Variants in CFAP77 observed in about 807,000 individuals in gnomAD.
The protein encoded by CFAP77 is cilia and flagella associated protein 77, also known as cilia- and flagella-associated protein 77.
CFAP77 carries 25 observed loss-of-function variants against 31.1 expected under a neutral mutation model. The ratio of observed to expected loss-of-function variants is 0.80; its 90% CI spans 0.59 to 1.12. The LOEUF is 1.12. Among genes scored for constraint, CFAP77 ranks in the 50% most tolerant of loss-of-function variants. The pLI is 0.00. For missense variants in CFAP77, 377 were observed against 397.3 expected (o/e 0.95, Z 0.44); for synonymous variants, 151 against 159.9 (o/e 0.94, Z 0.42).
intron 1 of CFAP77, among the ~76,000 whole-genome samples, chr9:132,426,321 G>T (rs1188305753): frequency 6.6e-6 from 1 of 152,172 alleles, no homozygotes; most frequent in Admixed American, 6.5e-5. Context: ...CTTATTATGA[G>T]AGAGAGGATT....
chr9:132,472,743 G>A (rs1446920019), intron 1 of CFAP77, among the ~76,000 whole-genome samples: 1 of 152,090 alleles, frequency 6.6e-6, no homozygotes, highest in Non-Finnish European at 1.5e-5. Flanking sequence ...CTCCAGCCTG[G>A]GTGACAAAGG....
Position 132,517,903 on chromosome 9 carries a change from T to C in CFAP77, c.524+18303T>C, listed in dbSNP as rs553009755. Among the ~76,000 whole-genome samples, 1 of 152,308 alleles carries C rather than the reference T, an allele frequency of 6.6e-6. No homozygotes were observed. The highest frequency in any genetic ancestry group is 1.5e-5 in the Non-Finnish European group (1 of 68,020). ...TCAGGATGGGTTTGATGGAACTAAT[T>C]TGAAGTTTCTGGGAGGCCTATCCCA... On this transcript the variant is annotated intron_variant, in intron 3 of 5. Coordinates refer to ENST00000393216, the MANE Select transcript of CFAP77 (RefSeq NM_001282957.2). The surrounding 1 kb of genome is among the most constrained non-coding windows in gnomAD (Gnocchi z 4.7).
Position 132,499,594 on chromosome 9 carries a change from G to C in CFAP77, c.518G>C (p.Arg173Pro). ...PLPPNMTFGI[R>P]ARPSTPFFDL... ...CCTCCAAACATGACATTTGGGATCC[G>C]GGCACGGTAAGGTGGCTGGCAGCCA... Residue 173 changes from arginine (R) to proline (P), a missense_variant, in exon 3 of 6, where the codon CGG becomes CCG. Physicochemically the swap from Arg to Pro is moderately radical, Grantham distance 103 (BLOSUM62 -2). Transcript: ENST00000393216. This position sits in a 1 kb window ranked among gnomAD's most constrained non-coding sequence, Gnocchi z 5.4. 1 of 1,614,158 alleles carries C rather than the reference G, an allele frequency of 6.2e-7. No homozygotes were observed. Among genetic ancestry groups the C allele is most frequent in the Non-Finnish European group, 8.5e-7 (1 of 1,180,004 alleles).
intron 5 of CFAP77, among the ~76,000 whole-genome samples, chr9:132,567,784 G>T (rs1829903179): frequency 6.6e-6 from 1 of 152,162 alleles, no homozygotes; most frequent in East Asian, 1.9e-4. Context: ...GCTCCTGTGG[G>T]CTCCCGATGC....
chr9:132,503,579 C>G (rs936231024), intron 3 of CFAP77, among the ~76,000 whole-genome samples: 1 of 152,180 alleles, frequency 6.6e-6, no homozygotes, highest in Admixed American at 6.5e-5. Context: ...TTTGCCTCCT[C>G]AGCTTGGGTC....
chr9:132,540,376 T>C (rs942726021), intron 4 of CFAP77, among the ~76,000 whole-genome samples: 2 of 152,210 alleles, frequency 1.3e-5, no homozygotes, highest in Non-Finnish European at 2.9e-5. Flanking sequence ...GTACCAGCTC[T>C]GCATGTGTGG....
At chr9:132,433,209 C>T (rs1336961584) in intron 1 of CFAP77, among the ~76,000 whole-genome samples, 2 of 152,098 alleles carry the variant, frequency 1.3e-5, no homozygotes, top group African/African-American at 2.4e-5. Context: ...GGGGCTGTTG[C>T]AAAGATGAAA....
At chr9:132,540,650 T>A (rs1276415203) in intron 4 of CFAP77, among the ~76,000 whole-genome samples, 1 of 152,236 alleles carries the variant, frequency 6.6e-6, no homozygotes, top group African/African-American at 2.4e-5. Context: ...CATATATTTT[T>A]ATGCTGGATT....
At chr9:132,523,553 G>T (rs1482455884) in intron 3 of CFAP77, among the ~76,000 whole-genome samples, 1 of 152,146 alleles carries the variant, frequency 6.6e-6, no homozygotes, top group African/African-American at 2.4e-5. Flanking sequence ...ATTTCATCAT[G>T]AAGGCCGTCG....
intron 1 of CFAP77, among the ~76,000 whole-genome samples, chr9:132,448,422 A>G (rs146466905): frequency 3.3e-4 from 50 of 152,250 alleles, no homozygotes; most frequent in African/African-American, 8.4e-4. Context: ...CAGACCAGAC[A>G]TTGGGCAGGT....
intron 5 of CFAP77, among the ~76,000 whole-genome samples, chr9:132,571,501 G>A (rs775470727): frequency 6.6e-6 from 1 of 152,142 alleles, no homozygotes; most frequent in African/African-American, 2.4e-5. Context: ...AAAGCTCCAC[G>A]AGGGTAGAGC....
chr9:132,455,064 A>G lies in CFAP77; in HGVS notation c.196-43631A>G, dbSNP rs1045667610. 1.3e-5 allele frequency among the ~76,000 whole-genome samples: 2 copies of G among 152,216 alleles called. No individual in the cohort carries two copies. The highest frequency in any genetic ancestry group is 6.5e-5 in the Admixed American group (1 of 15,282). On this transcript the variant is annotated intron_variant, in intron 1 of 5. Coordinates refer to ENST00000393216, the MANE Select transcript of CFAP77 (RefSeq NM_001282957.2). The surrounding 1 kb of genome is among the most constrained non-coding windows in gnomAD (Gnocchi z 4.1). Reference sequence around the variant, plus strand: ...TAGCCTGCACAAAGAACTCCAGTCCATGGGAAGGCCCAGTGATATCTTGTG... The same window carrying G: ...TAGCCTGCACAAAGAACTCCAGTCCGTGGGAAGGCCCAGTGATATCTTGTG...
Position 132,504,266 on chromosome 9 carries a change from G to A in CFAP77, c.524+4666G>A, listed in dbSNP as rs149656645. On this transcript the variant is annotated intron_variant, in intron 3 of 5. Coordinates refer to ENST00000393216, the MANE Select transcript of CFAP77 (RefSeq NM_001282957.2). ...ACTTCCTTGGAACCGATGTGCAGCC[G>A]GAACACCCACAGCTTCTCATCCTAG... Among the ~76,000 whole-genome samples, 210 of 152,278 alleles carry A rather than the reference G, an allele frequency of 1.4e-3. 1 individual carries two copies. The highest frequency in any genetic ancestry group is 4.9e-3 in the African/African-American group (205 of 41,548).
chr9:132,487,076 G>A (rs890671567), intron 1 of CFAP77, among the ~76,000 whole-genome samples: 3 of 152,244 alleles, frequency 2.0e-5, no homozygotes, highest in African/African-American at 7.2e-5. Flanking sequence ...CCCACGGTCC[G>A]CGGCTCCCTT....
intron 1 of CFAP77, among the ~76,000 whole-genome samples, chr9:132,440,490 G>A (rs1850598924): frequency 6.6e-6 from 1 of 152,144 alleles, no homozygotes; most frequent in Admixed American, 6.5e-5. Flanking sequence ...CCATTTTACA[G>A]ATCAGAAAAC....
At chr9:132,570,098 C>A (rs1166732967) in intron 5 of CFAP77, among the ~76,000 whole-genome samples, 2 of 152,170 alleles carry the variant, frequency 1.3e-5, no homozygotes, top group African/African-American at 4.8e-5. Context: ...ATCAGGCCAC[C>A]ACTTGCCAGA....
intron 4 of CFAP77, among the ~76,000 whole-genome samples, chr9:132,541,027 C>T (rs912247490): frequency 2.6e-5 from 4 of 152,184 alleles, no homozygotes; most frequent in Non-Finnish European, 4.4e-5. Context: ...GCTACAAACC[C>T]CCCAAACGCT....
At chr9:132,444,141 C>T (rs112284231) in intron 1 of CFAP77, among the ~76,000 whole-genome samples, 1,544 of 152,370 alleles carry the variant, frequency 0.01, 36 homozygotes, top group African/African-American at 0.031. Context: ...TTCCACTTCC[C>T]GTTTCCTACA....
intron 3 of CFAP77, among the ~76,000 whole-genome samples, chr9:132,519,039 G>A (rs1337458754): frequency 6.6e-6 from 1 of 152,132 alleles, no homozygotes; most frequent in African/African-American, 2.4e-5. Context: ...GAGGAGGCAG[G>A]CAGGGAGTGT....
Sources: gnomAD v4.1 joint callset for allele counts (sites outside exome capture counted in the v4.1 genomes callset) on GRCh38, gnomAD v4.1.1 for gene constraint, Gnocchi (gnomAD v3.1) non-coding constraint, MANE v1.5 for transcripts, NCBI Gene and HGNC (gene_info 2026-07-23, HGNC 2026-07-21) for gene names.